PTPRN2: variants seen among roughly 807,000 people sequenced by gnomAD.
The protein encoded by PTPRN2 is receptor-type tyrosine-protein phosphatase N2.
A neutral mutation model predicts 118.8 loss-of-function variants in PTPRN2; 74 were observed. The observed-to-expected ratio is 0.62, with a 90% CI of 0.52 to 0.76. The LOEUF (loss-of-function observed/expected upper bound fraction) is 0.76. Ranked by LOEUF, PTPRN2 falls within the 30% of genes least tolerant of loss-of-function variation. The probability of loss-of-function intolerance (pLI) is 0.00; values close to 1 mark genes in which losing one functional copy is unlikely to be tolerated. For synonymous variants in PTPRN2, 641 were observed against 608.0 expected (o/e 1.05, Z -0.80); for missense variants, 1,481 against 1,394.4 (o/e 1.06, Z -0.99).
chr7:158,091,245 G>A (rs749720052), intron 10 of PTPRN2, among the ~76,000 whole-genome samples: 14 of 152,132 alleles, frequency 9.2e-5, no homozygotes, highest in Non-Finnish European at 2.1e-4. Flanking sequence ...TTTGTAGTCC[G>A]TTTAAATAAA....
At chr7:157,968,847 G>A (rs1171896936) in intron 11 of PTPRN2, among the ~76,000 whole-genome samples, 1 of 152,222 alleles carries the variant, frequency 6.6e-6, no homozygotes, top group East Asian at 1.9e-4. Flanking sequence ...TGGTAGATGG[G>A]ATATATGGGA....
At chr7:157,900,996 C>T (rs1010736855) in intron 11 of PTPRN2, among the ~76,000 whole-genome samples, 2 of 152,222 alleles carry the variant, frequency 1.3e-5, no homozygotes, top group African/African-American at 4.8e-5. Flanking sequence ...CTGCAGGCTG[C>T]ACAAGAAGCA....
intron 11 of PTPRN2, among the ~76,000 whole-genome samples, chr7:157,967,155 A>C (rs1441908409): frequency 6.6e-6 from 1 of 152,156 alleles, no homozygotes; most frequent in Non-Finnish European, 1.5e-5. Context: ...TCCTATCTCT[A>C]TTAAATTTTT....
At chr7:158,368,164 G>C (rs146553714) in intron 2 of PTPRN2, among the ~76,000 whole-genome samples, 1 of 152,130 alleles carries the variant, frequency 6.6e-6, no homozygotes, top group South Asian at 2.1e-4. Context: ...AACTTCAACA[G>C]GGCAAACGTT....
At chr7:158,144,858 T>C (rs1157983632) in intron 6 of PTPRN2, among the ~76,000 whole-genome samples, 1 of 152,200 alleles carries the variant, frequency 6.6e-6, no homozygotes, top group Non-Finnish European at 1.5e-5. Context: ...ATGATGCTTA[T>C]TCCCCTCTCA....
chr7:157,757,826 G>T (rs942756429), intron 12 of PTPRN2, among the ~76,000 whole-genome samples: 1 of 152,204 alleles, frequency 6.6e-6, no homozygotes, highest in Admixed American at 6.5e-5. Context: ...TTTGAAAAGA[G>T]CCCCAGCTGC....
At chr7:158,469,047 CTA>C (rs1212898607) in intron 2 of PTPRN2, among the ~76,000 whole-genome samples, 1 of 40,364 alleles carries the variant, frequency 2.5e-5, no homozygotes, top group Non-Finnish European at 6.0e-5. Flanking sequence ...TGGATCAACA[CTA>C]TGCACACCCA....
chr7:158,481,048 A>G (rs765249063), intron 2 of PTPRN2, among the ~76,000 whole-genome samples: 1 of 152,254 alleles, frequency 6.6e-6, no homozygotes, highest in Non-Finnish European at 1.5e-5. Context: ...AGAAGATGCC[A>G]TCTAGGACTT....
At chr7:158,272,689 C>T (rs527959932) in intron 3 of PTPRN2, among the ~76,000 whole-genome samples, 3 of 152,286 alleles carry the variant, frequency 2.0e-5, no homozygotes, top group Admixed American at 6.5e-5. Flanking sequence ...GAGGTCTCAG[C>T]GCCACTGCCG....
intron 5 of PTPRN2, among the ~76,000 whole-genome samples, chr7:158,174,697 G>A (rs769064029): frequency 4.6e-5 from 7 of 152,174 alleles, no homozygotes; most frequent in African/African-American, 7.2e-5. Flanking sequence ...ATTAACAACC[G>A]TAATTGAAAG....
At chr7:158,533,023 A>G (rs1047400995) in intron 1 of PTPRN2, among the ~76,000 whole-genome samples, 1 of 152,182 alleles carries the variant, frequency 6.6e-6, no homozygotes, top group Non-Finnish European at 1.5e-5. Context: ...CAGAACAGAA[A>G]TGACTTGGGT....
At chr7:157,924,101 G>A (rs909516101) in intron 11 of PTPRN2, among the ~76,000 whole-genome samples, 8 of 152,136 alleles carry the variant, frequency 5.3e-5, no homozygotes, top group African/African-American at 1.9e-4. Flanking sequence ...CTGGAGGAGG[G>A]GGCCCGGTCC....
intron 3 of PTPRN2, among the ~76,000 whole-genome samples, chr7:158,262,853 C>A (rs1310673331): frequency 6.8e-6 from 1 of 146,576 alleles, no homozygotes; most frequent in Non-Finnish European, 1.5e-5. Flanking sequence ...CACATACATA[C>A]ATTCACACAC....
At chr7:158,226,993 A>AAG (rs1828837128) in intron 3 of PTPRN2, among the ~76,000 whole-genome samples, 1 of 152,004 alleles carries the variant, frequency 6.6e-6, no homozygotes, top group Non-Finnish European at 1.5e-5. Flanking sequence ...GGTGAAGCTG[A>AAG]AGATGACTGA....
intron 3 of PTPRN2, among the ~76,000 whole-genome samples, chr7:158,292,309 C>T (rs1190135234): frequency 1.3e-5 from 2 of 152,216 alleles, no homozygotes; most frequent in Non-Finnish European, 2.9e-5. Context: ...GCAGATGGAG[C>T]CCGCCTCCTG....
intron 11 of PTPRN2, among the ~76,000 whole-genome samples, chr7:158,075,780 C>T (rs911163116): frequency 2.6e-5 from 4 of 152,242 alleles, no homozygotes; most frequent in African/African-American, 9.6e-5. Context: ...GGATCGTCAA[C>T]CTCATGGCTG....
At chr7:157,804,547 G>A (rs989239020) in intron 12 of PTPRN2, among the ~76,000 whole-genome samples, 6 of 148,862 alleles carry the variant, frequency 4.0e-5, no homozygotes, top group Non-Finnish European at 8.8e-5. Context: ...CTTCCATTCT[G>A]TAACTGCAGC....
rs1370073127 is a variant in PTPRN2, at chr7:157,701,441, G to C, written c.1789-18504C>G. Among the ~76,000 whole-genome samples the C allele has an allele frequency of 1.3e-5, 2 of 152,190 alleles. 1 individual carries two copies. The highest frequency in any genetic ancestry group is 1.3e-4 in the Admixed American group (2 of 15,284). ...AGTATCAGTCTTTCAAAAAGATGGTGGTCTTTATTCTCTATTTTCCATAGA... is the reference window on the plus strand; with the variant it reads ...AGTATCAGTCTTTCAAAAAGATGGTCGTCTTTATTCTCTATTTTCCATAGA... On this transcript the variant is annotated intron_variant, in intron 12 of 22. Coordinates refer to ENST00000389418, the MANE Select transcript of PTPRN2 (RefSeq NM_002847.5).
intron 12 of PTPRN2, among the ~76,000 whole-genome samples, chr7:157,883,506 CA>C (rs1796280965): frequency 2.0e-5 from 3 of 148,940 alleles, no homozygotes; most frequent in South Asian, 2.2e-4. Flanking sequence ...CACACCACCC[CA>C]AAAATGACTG....
Sources: allele counts gnomAD v4.1 joint callset (sites outside exome capture counted in the v4.1 genomes callset), GRCh38; gene constraint gnomAD v4.1.1; transcripts MANE v1.5; gene names NCBI Gene and HGNC (gene_info 2026-07-23, HGNC 2026-07-21).